Variants in BLOC1S6 observed in about 807,000 individuals in gnomAD.
The protein encoded by BLOC1S6 is biogenesis of lysosomal organelles complex 1 subunit 6.
A neutral mutation model predicts 24.7 loss-of-function variants in BLOC1S6; 24 were observed. The observed-to-expected ratio is 0.97, with a 90% CI of 0.70 to 1.37. The LOEUF (loss-of-function observed/expected upper bound fraction) is 1.37, where lower values mean the gene tolerates loss of function less well. Among genes scored for constraint, BLOC1S6 ranks in the 40% most tolerant of loss-of-function variants. The pLI is 0.00. For missense variants in BLOC1S6, 175 were observed against 196.2 expected, an observed-to-expected ratio of 0.89 and a Z score of 0.64; for synonymous variants, 76 against 72.6, an observed-to-expected ratio of 1.05 and a Z score of -0.23.
chr15:45,605,733 G>T (rs1894430606), intron 4 of BLOC1S6: 3 of 452,448 alleles, frequency 6.6e-6, no homozygotes, highest in South Asian at 6.5e-5. Context: ...GGGATTACAG[G>T]TGCCCGCCAC....
chr15:45,587,406 C>A lies in BLOC1S6; in HGVS notation c.-38C>A, dbSNP rs1328196145. ...GTGCCGCCTTGCTTCTGACGAGCCACACGTTTGCTTCTTCCCTGTGTTCCC... is the reference window on the plus strand; with the variant it reads ...GTGCCGCCTTGCTTCTGACGAGCCAAACGTTTGCTTCTTCCCTGTGTTCCC... On this transcript the variant is annotated 5_prime_UTR_variant, in exon 1 of 5. Transcript: ENST00000220531. The A allele has an allele frequency of 1.0e-5, 16 of 1,541,232 alleles. No homozygotes were observed. Among genetic ancestry groups the A allele is most frequent in the Non-Finnish European group, 1.4e-5 (16 of 1,135,946 alleles).
In BLOC1S6 at chr15:45,602,974, C is replaced by G. The variant is rs1894321696; in HGVS notation, c.225-126C>G. 7.2e-6 allele frequency: 5 copies of G among 691,488 alleles called. No homozygotes were observed. The Middle Eastern group carries it at 1.4e-3, about 188-fold the overall frequency. The allele number at this position is 691,488 out of a possible 1,614,324, so 42.8% of individuals were successfully genotyped here. A position where few individuals can be genotyped will look rare whatever the true frequency, so the allele number is the denominator to read the frequency against. On this transcript the variant is annotated intron_variant, in intron 2 of 4. Transcript: ENST00000220531. ...AAATCTTATTCTATATTAAATAAACCTTAGAGAGTTAATACATTTCCTACT... is the reference window on the plus strand; with the variant it reads ...AAATCTTATTCTATATTAAATAAACGTTAGAGAGTTAATACATTTCCTACT...
intron 3 of BLOC1S6, 38 bp from the exon 4 acceptor site, chr15:45,605,390 A>G (rs768568246): frequency 2.7e-6 from 4 of 1,496,800 alleles, no homozygotes; most frequent in Middle Eastern, 1.9e-4. Flanking sequence ...ATTTTAGTCT[A>G]TTTTAACTTG....
rs139121655 is a variant in BLOC1S6 at position 45,607,313 on chromosome 15, A to G, written c.*799A>G. The G allele has an allele frequency of 1.3e-5, 2 of 152,340 alleles. No individual in the cohort carries two copies. Among genetic ancestry groups the G allele is most frequent in the East Asian group, 1.9e-4 (1 of 5,184 alleles). 9.4% of individuals were successfully genotyped at this position (152,340 alleles called of 1,614,324 possible). ...CTTTCTGCTTCTTAGCGTCGTTGTC[A>G]CTGCTTCTGTGGCTTTTGGGTTCAA... On this transcript the variant is annotated 3_prime_UTR_variant, in exon 5 of 5. Coordinates refer to ENST00000220531, the MANE Select transcript of BLOC1S6 (RefSeq NM_012388.4).
intron 2 of BLOC1S6, chr15:45,602,258 A>C (rs1196384865): frequency 1.7e-6 from 1 of 575,740 alleles, no homozygotes; most frequent in Non-Finnish European, 3.1e-6. Flanking sequence ...GAGATGTTGT[A>C]ATTGCCCTGA....
rs538080725 is a variant in BLOC1S6 at position 45,607,341 on chromosome 15, T to C, written c.*827T>C. 6.6e-6 allele frequency: 1 copy of C among 152,366 alleles called. No homozygotes were observed. The highest frequency in any genetic ancestry group is 2.1e-4 in the South Asian group (1 of 4,832). The allele number at this position is 152,366 out of a possible 1,614,324, so 9.4% of individuals were successfully genotyped here. A position where few individuals can be genotyped will look rare whatever the true frequency, so the allele number is the denominator to read the frequency against. On this transcript the variant is annotated 3_prime_UTR_variant, in exon 5 of 5. Transcript: ENST00000220531. ...GCTTCTGTGGCTTTTGGGTTCAAAG[T>C]AGATTATATATATTCCTAAAGCTTG... is the stretch of plus-strand genomic sequence containing the variant.
intron 1 of BLOC1S6, among the ~76,000 whole-genome samples, chr15:45,590,641 C>T (rs139999778): frequency 0.017 from 2,532 of 152,218 alleles, 67 homozygotes; most frequent in African/African-American, 0.059. Flanking sequence ...CTCCTGACCT[C>T]AAGTGATCCG....
rs1894563101 is a variant in BLOC1S6 at position 45,608,576 on chromosome 15, G to T, written c.*2062G>T. ...CTTTTTGTTTTTAAAGTTTCCCCCA[G>T]TGATTCCAGTGCACCTGAAAAGTTG... On this transcript the variant is annotated 3_prime_UTR_variant, in exon 5 of 5. Coordinates refer to ENST00000220531, the MANE Select transcript of BLOC1S6 (RefSeq NM_012388.4). 6.6e-6 allele frequency: 1 copy of T among 152,092 alleles called. No homozygotes were observed. Among genetic ancestry groups the T allele is most frequent in the Admixed American group, 6.6e-5 (1 of 15,266 alleles). The allele number at this position is 152,092 out of a possible 1,614,324, so 9.4% of individuals were successfully genotyped here.
At chr15:45,593,103 T>G (rs973892314) in intron 2 of BLOC1S6, among the ~76,000 whole-genome samples, 3 of 152,040 alleles carry the variant, frequency 2.0e-5, no homozygotes, top group Non-Finnish European at 4.4e-5. Context: ...CATATAAAAG[T>G]GGTACTGAGG....
At chr15:45,588,131 C>T (rs1893752040) in intron 1 of BLOC1S6, among the ~76,000 whole-genome samples, 1 of 152,148 alleles carries the variant, frequency 6.6e-6, no homozygotes, top group South Asian at 2.1e-4. Flanking sequence ...TTAGATGAGG[C>T]CTTAGATGAG....
chr15:45,603,276 T>C (rs1045030007), intron 3 of BLOC1S6, 89 bp downstream of exon 3: 6 of 825,516 alleles, frequency 7.3e-6, no homozygotes, highest in Non-Finnish European at 1.2e-5. Context: ...ATTTTAAGCT[T>C]AGAATTTGTC....
rs1194124679 is a variant in BLOC1S6 at position 45,607,421 on chromosome 15, ATATAGTATTATAG to A, written c.*910_*922del. Reference sequence around the variant, plus strand: ...AATGAGCTTGTATATTTATAATACAATATAGTATTATAGTAACAGTTATCATACACTGAGATAT... The same window carrying A: ...AATGAGCTTGTATATTTATAATACAATAACAGTTATCATACACTGAGATAT... On this transcript the variant is annotated 3_prime_UTR_variant, in exon 5 of 5. Coordinates refer to ENST00000220531, the MANE Select transcript of BLOC1S6 (RefSeq NM_012388.4). The A allele has an allele frequency of 6.6e-6, 1 of 152,210 alleles. No individual in the cohort carries two copies. Among genetic ancestry groups the A allele is most frequent in the Non-Finnish European group, 1.5e-5 (1 of 68,046 alleles). 9.4% of individuals were successfully genotyped at this position (152,210 alleles called of 1,614,324 possible).
chr15:45,606,542 C>G lies in BLOC1S6; in HGVS notation c.*28C>G, dbSNP rs1473774740. On this transcript the variant is annotated 3_prime_UTR_variant, in exon 5 of 5. Transcript: ENST00000220531. The stretch of plus-strand genomic sequence containing the variant: ...AGTTGTGTTTGTGTGTTTTCTTCTC[C>G]TGTCCCATATTTGGGTTATGATGAC... The G allele has an allele frequency of 3.1e-6, 5 of 1,613,988 alleles. No individual in the cohort carries two copies. In the East Asian group the frequency reaches 1.1e-4, roughly 36 times the overall value.
intron 2 of BLOC1S6, among the ~76,000 whole-genome samples, chr15:45,597,031 T>C (rs1894102594): frequency 6.6e-6 from 1 of 152,224 alleles, no homozygotes; most frequent in Non-Finnish European, 1.5e-5. Flanking sequence ...TCTTCCAATT[T>C]TGTTCTTCAA....
In BLOC1S6 at chr15:45,603,254, G is replaced by C. The variant is rs960410468; in HGVS notation, c.312+67G>C. The C allele has an allele frequency of 9.2e-6, 9 of 973,142 alleles. No homozygotes were observed. The Admixed American group carries it at 1.8e-4, about 19-fold the overall frequency. 60.3% of individuals were successfully genotyped at this position (973,142 alleles called of 1,614,324 possible). On this transcript the variant is annotated intron_variant, in intron 3 of 4. Coordinates refer to ENST00000220531, the MANE Select transcript of BLOC1S6 (RefSeq NM_012388.4). Reference sequence around the variant, plus strand: ...TTAGCAATAGCTAAGACTTAGCTAAGCAATAGCTAAGATTTTAAGCTTAGA... The same window carrying C: ...TTAGCAATAGCTAAGACTTAGCTAACCAATAGCTAAGATTTTAAGCTTAGA...
intron 2 of BLOC1S6, among the ~76,000 whole-genome samples, chr15:45,601,905 G>A (rs939500716): frequency 2.0e-5 from 3 of 151,970 alleles, no homozygotes; most frequent in South Asian, 2.1e-4. Context: ...TGTAGAGATG[G>A]GGTCTCACCC....
chr15:45,590,338 A>AAAT (rs1373798762), intron 1 of BLOC1S6, among the ~76,000 whole-genome samples: 2 of 152,020 alleles, frequency 1.3e-5, no homozygotes, highest in Non-Finnish European at 2.9e-5. Context: ...GTTAAAATAA[A>AAAT]AATTATATAA....
Position 45,606,629 on chromosome 15 carries a change from A to T in BLOC1S6, c.*115A>T, listed in dbSNP as rs1225827517. On this transcript the variant is annotated 3_prime_UTR_variant, in exon 5 of 5. Transcript: ENST00000220531. ...CATTATGTCATATGTTGAAATCCTT[A>T]TTCCGGTATTACTGTGTCTCCATGC... 2.8e-6 allele frequency: 4 copies of T among 1,442,636 alleles called. No individual in the cohort carries two copies. The highest frequency in any genetic ancestry group is 1.4e-5 in the African/African-American group (1 of 71,534). The allele number at this position is 1,442,636 out of a possible 1,614,324, so 89.4% of individuals were successfully genotyped here. A position where few individuals can be genotyped will look rare whatever the true frequency, so the allele number is the denominator to read the frequency against.
At position 45,606,573 on chromosome 15, in the gene BLOC1S6, T is replaced by G. The variant is rs1481538390; in HGVS notation, c.*59T>G. 1.2e-6 allele frequency: 2 copies of G among 1,612,130 alleles called. No individual in the cohort carries two copies. On this transcript the variant is annotated 3_prime_UTR_variant, in exon 5 of 5. Coordinates refer to ENST00000220531, the MANE Select transcript of BLOC1S6 (RefSeq NM_012388.4). Reference sequence around the variant, plus strand: ...CATATTTGGGTTATGATGACTCAAGTGTAGACTGAAGTTGAGGTAGTGCCT... The same window carrying G: ...CATATTTGGGTTATGATGACTCAAGGGTAGACTGAAGTTGAGGTAGTGCCT...
Sources: gnomAD v4.1 joint callset for allele counts (sites outside exome capture counted in the v4.1 genomes callset) on GRCh38, gnomAD v4.1.1 for gene constraint, MANE v1.5 for transcripts, NCBI Gene and HGNC (gene_info 2026-07-23, HGNC 2026-07-21) for gene names.